Variants in FCRL3 observed in about 807,000 individuals in gnomAD.
The protein encoded by FCRL3 is Fc receptor like 3.
In FCRL3, 89 loss-of-function variants were observed where a neutral mutation model predicts 75.0. The ratio of observed to expected loss-of-function variants is 1.19; its 90% CI spans 1.00 to 1.42. The LOEUF is 1.42. Ranked by LOEUF, FCRL3 falls within the 40% of genes most tolerant of loss-of-function variation. FCRL3 has a pLI of 0.00. For synonymous variants in FCRL3, 376 were observed against 348.5 expected, an observed-to-expected ratio of 1.08 and a Z score of -0.88; for missense variants, 946 against 880.0, an observed-to-expected ratio of 1.07 and a Z score of -0.95.
At position 157,697,328 on chromosome 1, in the gene FCRL3, C is replaced by T. The variant is rs575879706; in HGVS notation, c.656G>A (p.Arg219Lys). 2 of 1,612,334 alleles carry T rather than the reference C, an allele frequency of 1.2e-6. No homozygotes were observed. The highest frequency in any genetic ancestry group is 1.7e-5 in the Admixed American group (1 of 59,814). Residue 219 changes from arginine to lysine, a missense_variant, in exon 6 of 15, where the codon AGG becomes AAG. Physicochemically the swap from Arg to Lys is conservative, Grantham distance 26. Coordinates refer to ENST00000368184, the MANE Select transcript of FCRL3 (RefSeq NM_052939.4). ...GGAGAATTGCAGCTGGACATCTGGCCTCTGTGGAGAGAGCTGGGTCTCACA... is the reference window on the plus strand; with the variant it reads ...GGAGAATTGCAGCTGGACATCTGGCTTCTGTGGAGAGAGCTGGGTCTCACA... Reference protein sequence around the residue: ...LTCETQLSPQRPDVQLQFSLF... With the variant: ...LTCETQLSPQKPDVQLQFSLF...
In FCRL3 at chr1:157,696,180, A is replaced by G; in HGVS notation, c.992T>C (p.Leu331Pro). 35 of 1,614,014 alleles carry G rather than the reference A, an allele frequency of 2.2e-5. No individual in the cohort carries two copies. The highest frequency in any genetic ancestry group is 3.0e-5 in the Non-Finnish European group (35 of 1,180,018). ...SWHKEGRVRS[L>P]GRKTQRSLLA... The stretch of plus-strand genomic sequence containing the variant: ...CAGGGAACGCTGGGTCTTTCTACCC[A>G]GGCTTCTTACTCTTCCTTCTTTGTG... Residue 331 changes from leucine to proline, a missense_variant, in exon 7 of 15, where the codon CTG (leucine) becomes CCG (proline). Coordinates refer to ENST00000368184, the MANE Select transcript of FCRL3 (RefSeq NM_052939.4).
intron 3 of FCRL3, 49 bp from the exon 4 acceptor site, chr1:157,698,678 G>T: frequency 6.2e-7 from 1 of 1,603,460 alleles, no homozygotes; most frequent in Non-Finnish European, 8.5e-7. Context: ...AATGGGAGGT[G>T]GGCACAGCAC....
At position 157,678,559 on chromosome 1, in the gene FCRL3, G is replaced by T; in HGVS notation, c.*151C>A. The T allele has an allele frequency of 1.3e-6, 2 of 1,490,160 alleles. No individual in the cohort carries two copies. Among genetic ancestry groups the T allele is most frequent in the Non-Finnish European group, 8.9e-7 (1 of 1,129,462 alleles). 92.3% of individuals were successfully genotyped at this position (1,490,160 alleles called of 1,614,324 possible). A position where few individuals can be genotyped will look rare whatever the true frequency, so the allele number is the denominator to read the frequency against. On this transcript the variant is annotated 3_prime_UTR_variant, in exon 15 of 15. Transcript: ENST00000368184. Reference sequence around the variant, plus strand: ...TGGGGAACACACAGATCAGGCACAGGGGAGATTTGCAGACCTTTTGCTCAG... The same window carrying T: ...TGGGGAACACACAGATCAGGCACAGTGGAGATTTGCAGACCTTTTGCTCAG...
rs79931962 is a variant in FCRL3, at chr1:157,677,626, A to G, written c.*1084T>C. ...TAGCTAGGAAAACATTAAGCCAGAT[A>G]TTTTACACAAGTAAATACTAAACAG... On this transcript the variant is annotated 3_prime_UTR_variant, in exon 15 of 15. Transcript: ENST00000368184. The G allele has an allele frequency of 5.1e-6, 5 of 983,882 alleles. No homozygotes were observed. In the East Asian group the frequency reaches 4.5e-4, roughly 89 times the overall value. 60.9% of individuals were successfully genotyped at this position (983,882 alleles called of 1,614,324 possible).
At chr1:157,689,120 C>A (rs1471554245) in intron 10 of FCRL3, among the ~76,000 whole-genome samples, 1 of 152,142 alleles carries the variant, frequency 6.6e-6, no homozygotes, top group East Asian at 1.9e-4. Context: ...TATTTTCTCT[C>A]ACCACTTGCA....
At position 157,683,226 on chromosome 1, in the gene FCRL3, C is replaced by T. The variant is rs1301144757; in HGVS notation, c.1829G>A (p.Gly610Glu). 1.9e-6 allele frequency: 3 copies of T among 1,613,420 alleles called. No individual in the cohort carries two copies. Among genetic ancestry groups the T allele is most frequent in the East Asian group, 2.2e-5 (1 of 44,822 alleles). ...GAAGCAGAGACCTCACCTAGATGTT[C>T]CAGTGGCAGAAAGTCCTCCTGCAAA... ...RRKPGGLSAT[G>E]TSSHSPSECQ... The change falls in exon 11 of 15, where the codon GGA becomes GAA. Residue 610 changes from glycine (G) to glutamate (E), a missense_variant. Gly to Glu is a moderately conservative substitution (Grantham distance 98, BLOSUM62 -2). Transcript: ENST00000368184.
chr1:157,683,609 T>C lies in FCRL3; in HGVS notation c.1811-365A>G, dbSNP rs112673348. On this transcript the variant is annotated intron_variant, in intron 10 of 14. Coordinates refer to ENST00000368184, the MANE Select transcript of FCRL3 (RefSeq NM_052939.4). The stretch of plus-strand genomic sequence containing the variant: ...AAGTGGAGACAAGGAGACTGAGGCC[T>C]AGAGGGGCCAAGGGATGCTCAAAAT... Among the ~76,000 whole-genome samples the C allele has an allele frequency of 5.5e-3, 836 of 152,314 alleles. 6 individuals carry two copies. Among genetic ancestry groups the C allele is most frequent in the African/African-American group, 0.019 (799 of 41,574 alleles).
At chr1:157,687,732 T>C (rs1655261600) in intron 10 of FCRL3, among the ~76,000 whole-genome samples, 1 of 151,266 alleles carries the variant, frequency 6.6e-6, no homozygotes, top group South Asian at 2.1e-4. Flanking sequence ...GACCTAAACA[T>C]TGAGCAAACA....
chr1:157,682,418 G>A (rs1654910802), intron 11 of FCRL3, among the ~76,000 whole-genome samples: 1 of 152,102 alleles, frequency 6.6e-6, no homozygotes, highest in Non-Finnish European at 1.5e-5. Flanking sequence ...ATTAATTTTT[G>A]TATAAGGTGT....
At chr1:157,699,636 G>A in intron 3 of FCRL3, 56 bp downstream of exon 3, 1 of 1,599,938 alleles carries the variant, frequency 6.3e-7, no homozygotes, top group South Asian at 1.1e-5. Flanking sequence ...CAGGCTGTGT[G>A]GGCTGAGGGG....
Position 157,676,660 on chromosome 1 carries a change from TAC to T in FCRL3, c.*2048_*2049del. 2 of 1,479,600 alleles carry T rather than the reference TAC, an allele frequency of 1.4e-6. No homozygotes were observed. Among genetic ancestry groups the T allele is most frequent in the Admixed American group, 2.0e-5 (1 of 50,640 alleles). The allele number at this position is 1,479,600 out of a possible 1,614,324, so 91.7% of individuals were successfully genotyped here. A position where few individuals can be genotyped will look rare whatever the true frequency, so the allele number is the denominator to read the frequency against. On this transcript the variant is annotated 3_prime_UTR_variant, in exon 15 of 15. Transcript: ENST00000368184. ...TTGCACATTTGTTATATCCGAGATG[TAC>T]AGTTAGGACTCACCCCTTCTTCCAC...
chr1:157,697,959 T>G, intron 4 of FCRL3, 40 bp from the exon 5 acceptor site: 1 of 1,594,026 alleles, frequency 6.3e-7, no homozygotes, highest in South Asian at 1.1e-5. Context: ...TATCCCCTGC[T>G]GTTTCTGCCT....
At chr1:157,700,838 AT>A (rs1656273674), upstream of FCRL3, 1 of 847,134 alleles carries the variant, frequency 1.2e-6, no homozygotes, top group Non-Finnish European at 1.5e-6. Context: ...TGTATTTTTC[AT>A]ATGGGAAACC....
At position 157,696,342 on chromosome 1, in the gene FCRL3, G is replaced by A. The variant is rs765896045; in HGVS notation, c.845-15C>T. The stretch of plus-strand genomic sequence containing the variant: ...CACAGGGACTCCTGGGGGAACACAA[G>A]ATGGCATGTGAAGGTCCTGATGGCA... On this transcript the variant is annotated splice_polypyrimidine_tract_variant and intron_variant, in intron 6 of 14. Coordinates refer to ENST00000368184, the MANE Select transcript of FCRL3 (RefSeq NM_052939.4). 1.2e-6 allele frequency: 2 copies of A among 1,612,552 alleles called. No homozygotes were observed. Among genetic ancestry groups the A allele is most frequent in the South Asian group, 2.2e-5 (2 of 91,060 alleles).
At position 157,678,520 on chromosome 1, in the gene FCRL3, G is replaced by A; in HGVS notation, c.*190C>T. 1 of 1,434,506 alleles carries A rather than the reference G, an allele frequency of 7.0e-7. No individual in the cohort carries two copies. The highest frequency in any genetic ancestry group is 9.1e-7 in the Non-Finnish European group (1 of 1,099,400). The allele number at this position is 1,434,506 out of a possible 1,614,324, so 88.9% of individuals were successfully genotyped here. The stretch of plus-strand genomic sequence containing the variant: ...ATAACACAGTGCTTGCTCAGAGGCT[G>A]CCTGCTCTCTTCCTGGGGAACACAC... On this transcript the variant is annotated 3_prime_UTR_variant, in exon 15 of 15. Coordinates refer to ENST00000368184, the MANE Select transcript of FCRL3 (RefSeq NM_052939.4).
chr1:157,678,706 G>C lies in FCRL3; in HGVS notation c.*4C>G. 1 of 1,613,016 alleles carries C rather than the reference G, an allele frequency of 6.2e-7. No individual in the cohort carries two copies. The highest frequency in any genetic ancestry group is 1.3e-5 in the African/African-American group (1 of 75,020). Reference sequence around the variant, plus strand: ...GTTTCCTGTGGGCCACTCTGGGTAAGGGGCTAGTGGTCTGAGGCCAGTAAT... The same window carrying C: ...GTTTCCTGTGGGCCACTCTGGGTAACGGGCTAGTGGTCTGAGGCCAGTAAT... On this transcript the variant is annotated 3_prime_UTR_variant, in exon 15 of 15. Coordinates refer to ENST00000368184, the MANE Select transcript of FCRL3 (RefSeq NM_052939.4).
Position 157,700,760 on chromosome 1 carries a change from C to A in FCRL3, c.-195G>T. ...CTGCAGTCTCTCAGGAGTAATGTCT[C>A]CAAGACTGTGCCTGGGTTCTCTAGA... On this transcript the variant is annotated 5_prime_UTR_variant, in exon 1 of 15. Transcript: ENST00000368184. The A allele has an allele frequency of 7.5e-7, 1 of 1,324,926 alleles. No homozygotes were observed. Among genetic ancestry groups the A allele is most frequent in the Non-Finnish European group, 9.7e-7 (1 of 1,031,586 alleles). The allele number at this position is 1,324,926 out of a possible 1,614,324, so 82.1% of individuals were successfully genotyped here.
At chr1:157,698,335 G>A in intron 4 of FCRL3, 49 bp downstream of exon 4, 3 of 1,607,244 alleles carry the variant, frequency 1.9e-6, no homozygotes, top group Non-Finnish European at 2.5e-6. Flanking sequence ...CGGCCCTCAG[G>A]CATTCTGCCT....
At chr1:157,685,676 A>G (rs1300356603) in intron 10 of FCRL3, among the ~76,000 whole-genome samples, 2 of 152,166 alleles carry the variant, frequency 1.3e-5, no homozygotes, top group Admixed American at 6.6e-5. Context: ...TGTGGAACAT[A>G]TCCTAGGATC....
Sources: gnomAD v4.1 joint callset for allele counts (sites outside exome capture counted in the v4.1 genomes callset) on GRCh38, gnomAD v4.1.1 for gene constraint, MANE v1.5 for transcripts, NCBI Gene and HGNC (gene_info 2026-07-23, HGNC 2026-07-21) for gene names.